The following TMPRSS11D variants were observed in gnomAD, a reference collection of about 807,000 sequenced individuals.
The protein encoded by TMPRSS11D is transmembrane protease serine 11D.
A neutral mutation model predicts 44.4 loss-of-function variants in TMPRSS11D; 32 were observed. The observed-to-expected ratio is 0.72, with a 90% CI of 0.54 to 0.97. The LOEUF (loss-of-function observed/expected upper bound fraction) is 0.97. Among genes scored for constraint, TMPRSS11D ranks in the 50% least tolerant of loss-of-function variants. The pLI, the probability that TMPRSS11D is intolerant of heterozygous loss-of-function variation, is 0.00. For missense variants in TMPRSS11D, 446 were observed against 502.6 expected (o/e 0.89, Z 1.08); for synonymous variants, 179 against 177.9 (o/e 1.01, Z -0.05).
chr4:67,861,812 A>C (rs1358873826), intron 1 of TMPRSS11D, among the ~76,000 whole-genome samples: 2 of 152,142 alleles, frequency 1.3e-5, no homozygotes, highest in Admixed American at 6.6e-5. Context: ...AACTAATTAC[A>C]TAAGAATGAA....
intron 1 of TMPRSS11D, among the ~76,000 whole-genome samples, chr4:67,872,083 C>A (rs1351945991): frequency 1.3e-5 from 2 of 152,170 alleles, no homozygotes; most frequent in East Asian, 1.9e-4. Context: ...GAGGGCACTG[C>A]TGTTCAATGT....
At chr4:67,830,087 T>C (rs996118472) in intron 7 of TMPRSS11D, among the ~76,000 whole-genome samples, 16 of 152,072 alleles carry the variant, frequency 1.1e-4, no homozygotes, top group African/African-American at 3.6e-4. Context: ...CTGCATACCA[T>C]GGGGTGCTAT....
At chr4:67,869,190 G>T (rs569836031) in intron 1 of TMPRSS11D, among the ~76,000 whole-genome samples, 190 of 152,314 alleles carry the variant, frequency 1.2e-3, no homozygotes, top group African/African-American at 4.4e-3. Context: ...CTTGGGACTG[G>T]AAGTGTTCTT....
chr4:67,843,914 C>T (rs886174633), intron 3 of TMPRSS11D, among the ~76,000 whole-genome samples: 3 of 152,200 alleles, frequency 2.0e-5, no homozygotes, highest in African/African-American at 7.2e-5. Flanking sequence ...CAGAACGAGA[C>T]TCTGTCTCAA....
chr4:67,825,733 T>C lies in TMPRSS11D; in HGVS notation c.1094A>G (p.Gln365Arg). The C allele has an allele frequency of 6.2e-7, 1 of 1,612,648 alleles. No homozygotes were observed. The highest frequency in any genetic ancestry group is 1.1e-5 in the South Asian group (1 of 91,002). ...GVPQGGVDAC[Q>R]GDSGGPLVQE... ...TGGATGAGATTGTCTTGAGCTTACC[T>C]GACATGCGTCCACTCCACCTTGAGG... The change falls in exon 9 of 10, where the codon CAG (glutamine) becomes CGG (arginine). Residue 365 changes from glutamine (Q) to arginine (R), a missense_variant and splice_region_variant. Transcript: ENST00000283916.
rs1340322499 is a variant in TMPRSS11D, at chr4:67,827,266, T to G, written c.947A>C (p.Tyr316Ser). ...TTTTTTTCCGAGACACTTACCAGCATATTCTTGAGCGCCCCATCCTGTTAC... is the reference window on the plus strand; with the variant it reads ...TTTTTTTCCGAGACACTTACCAGCAGATTCTTGAGCGCCCCATCCTGTTAC... ...AYVTGWGAQE[Y>S]AGHTVPELRQ... is the part of the protein sequence containing the mutation. Residue 316 changes from tyrosine to serine, a missense_variant, in exon 8 of 10, where the codon TAT becomes TCT. Transcript: ENST00000283916. 1.3e-6 allele frequency: 2 copies of G among 1,597,014 alleles called. No individual in the cohort carries two copies.
chr4:67,852,480 A>G (rs761830612), intron 3 of TMPRSS11D, among the ~76,000 whole-genome samples: 1 of 152,194 alleles, frequency 6.6e-6, no homozygotes, highest in Non-Finnish European at 1.5e-5. Context: ...TAGAGACCAT[A>G]CTTCGAAAAC....
chr4:67,870,803 G>C (rs1288427537), intron 1 of TMPRSS11D, among the ~76,000 whole-genome samples: 1 of 100,278 alleles, frequency 1.0e-5, no homozygotes, highest in East Asian at 2.8e-4. Context: ...AATAGAGCGA[G>C]ACCCTGTCTC....
Position 67,842,641 on chromosome 4 carries a change from GA to G in TMPRSS11D, c.250-17del. 1.9e-6 allele frequency: 3 copies of G among 1,599,018 alleles called. No homozygotes were observed. Among genetic ancestry groups the G allele is most frequent in the Non-Finnish European group, 2.6e-6 (3 of 1,170,128 alleles). On this transcript the variant is annotated splice_polypyrimidine_tract_variant and intron_variant, in intron 3 of 9. Transcript: ENST00000283916. Reference sequence around the variant, plus strand: ...TTTTAGTAATCTGTAGAAAGAAAGAGAGGGGGAATCTCTCTGTAAATACAGT... The same window carrying G: ...TTTTAGTAATCTGTAGAAAGAAAGAGGGGGGAATCTCTCTGTAAATACAGT...
At chr4:67,837,997 G>A (rs1718138823) in intron 5 of TMPRSS11D, 175 bp downstream of exon 5, 1 of 472,456 alleles carries the variant, frequency 2.1e-6, no homozygotes, top group Non-Finnish European at 3.6e-6. Context: ...GATTCTTTAA[G>A]TCTTAGAATG....
chr4:67,876,315 A>G (rs1719189597), intron 1 of TMPRSS11D, among the ~76,000 whole-genome samples: 1 of 152,180 alleles, frequency 6.6e-6, no homozygotes, highest in South Asian at 2.1e-4. Flanking sequence ...CTGTTTATAA[A>G]GTACTTAGAT....
At chr4:67,857,290 T>A (rs1459910758) in intron 2 of TMPRSS11D, among the ~76,000 whole-genome samples, 13 of 2,434 alleles carry the variant, frequency 5.3e-3, no homozygotes, top group African/African-American at 9.9e-3. Context: ...TATATATATA[T>A]ATATATATAT....
intron 1 of TMPRSS11D, among the ~76,000 whole-genome samples, chr4:67,883,439 T>C (rs1431249849): frequency 3.9e-5 from 6 of 152,196 alleles, no homozygotes; most frequent in African/African-American, 1.4e-4. Flanking sequence ...AAAATAATTC[T>C]ACAACTATAT....
intron 2 of TMPRSS11D, among the ~76,000 whole-genome samples, chr4:67,858,197 C>T (rs1213032835): frequency 1.3e-5 from 2 of 152,050 alleles, no homozygotes; most frequent in African/African-American, 2.4e-5. Flanking sequence ...CTTACGCAGA[C>T]AAATACCTTG....
At chr4:67,862,061 A>G (rs1445391539) in intron 1 of TMPRSS11D, among the ~76,000 whole-genome samples, 1 of 152,136 alleles carries the variant, frequency 6.6e-6, no homozygotes, top group Admixed American at 6.6e-5. Context: ...CTTGCATTTA[A>G]AACAGCAAAG....
At chr4:67,822,621 T>A in intron 9 of TMPRSS11D, 123 bp from the exon 10 acceptor site, 2 of 1,094,690 alleles carry the variant, frequency 1.8e-6, no homozygotes, top group Non-Finnish European at 2.6e-6. Context: ...TCAGCCTATT[T>A]CCTTTTGAAA....
chr4:67,834,086 T>C (rs2109664685), intron 6 of TMPRSS11D, among the ~76,000 whole-genome samples: 1 of 152,330 alleles, frequency 6.6e-6, no homozygotes, highest in South Asian at 2.1e-4. Flanking sequence ...AATAGTCTAC[T>C]GGCCAGAGCT....
chr4:67,870,510 ACT>A (rs1270540484), intron 1 of TMPRSS11D, among the ~76,000 whole-genome samples: 1 of 151,818 alleles, frequency 6.6e-6, no homozygotes, highest in African/African-American at 2.4e-5. Flanking sequence ...CTTGCTGACT[ACT>A]CTATTAAAAA....
intron 4 of TMPRSS11D, among the ~76,000 whole-genome samples, chr4:67,841,922 T>G (rs1436538681): frequency 3.3e-5 from 5 of 152,228 alleles, no homozygotes; most frequent in Non-Finnish European, 5.9e-5. Context: ...TTGCATATTA[T>G]TTAAAGACTA....
Sources: allele counts gnomAD v4.1 joint callset (sites outside exome capture counted in the v4.1 genomes callset), GRCh38; gene constraint gnomAD v4.1.1; transcripts MANE v1.5; gene names NCBI Gene and HGNC (gene_info 2026-07-23, HGNC 2026-07-21).